RNF24: variants seen among roughly 807,000 people sequenced by gnomAD.
RNF24 encodes the protein ring finger protein 24.
Under a neutral mutation model 20.0 loss-of-function variants are expected in RNF24, and 14 were observed. The ratio of observed to expected loss-of-function variants is 0.70; its 90% confidence interval spans 0.46 to 1.10. The LOEUF (loss-of-function observed/expected upper bound fraction) is 1.10. Ranked by LOEUF, RNF24 falls within the 50% of genes least tolerant of loss-of-function variation. The probability of loss-of-function intolerance (pLI) is 0.00; values close to 1 mark genes in which losing one functional copy is unlikely to be tolerated. For missense variants in RNF24, 124 were observed against 177.6 expected (o/e 0.70, Z 1.71); for synonymous variants, 45 against 61.1 (o/e 0.74, Z 1.23).
intron 1 of RNF24, among the ~76,000 whole-genome samples, chr20:4,009,287 G>A (rs1968940681): frequency 6.6e-6 from 1 of 152,200 alleles, no homozygotes; most frequent in Non-Finnish European, 1.5e-5. Context: ...AGGAGGGTCA[G>A]GGAAAAGTTG....
intron 1 of RNF24, among the ~76,000 whole-genome samples, chr20:3,998,241 G>A (rs1039111150): frequency 2.6e-5 from 4 of 151,950 alleles, no homozygotes; most frequent in Non-Finnish European, 4.4e-5. Flanking sequence ...GAGTTCGAGA[G>A]CAACCTGACC....
intron 4 of RNF24, among the ~76,000 whole-genome samples, chr20:3,942,018 G>A (rs1457756203): frequency 6.7e-6 from 1 of 149,966 alleles, no homozygotes; most frequent in Non-Finnish European, 1.5e-5. Flanking sequence ...AGGTTGCAGT[G>A]AGCCAAGATT....
At chr20:4,002,279 T>C (rs868395771) in intron 1 of RNF24, among the ~76,000 whole-genome samples, 2 of 152,028 alleles carry the variant, frequency 1.3e-5, no homozygotes, top group Middle Eastern at 3.4e-3. Context: ...CCAGCTACTC[T>C]GGAGGCTGAG....
At chr20:3,972,886 G>C (rs1978486344) in intron 1 of RNF24, among the ~76,000 whole-genome samples, 1 of 150,090 alleles carries the variant, frequency 6.7e-6, no homozygotes, top group African/African-American at 2.5e-5. Flanking sequence ...GTGGGCGACA[G>C]AGTGAGACTC....
At chr20:3,942,153 TA>T (rs2090964007) in intron 4 of RNF24, among the ~76,000 whole-genome samples, 1 of 150,402 alleles carries the variant, frequency 6.6e-6, no homozygotes, top group African/African-American at 2.5e-5. Context: ...CTGGAATGGC[TA>T]TATTAATATC....
chr20:3,957,465 A>G (rs1170330057), intron 2 of RNF24, among the ~76,000 whole-genome samples: 1 of 143,424 alleles, frequency 7.0e-6, no homozygotes, highest in Non-Finnish European at 1.5e-5. Context: ...CTCAAAAAAA[A>G]AAAAATAATA....
chr20:3,969,857 G>A (rs1165784521), intron 1 of RNF24, among the ~76,000 whole-genome samples: 7 of 148,010 alleles, frequency 4.7e-5, no homozygotes, highest in African/African-American at 1.2e-4. Flanking sequence ...TGCAACCTCC[G>A]CCTTCCAGGT....
chr20:3,991,927 TACAC>T (rs1408910483), intron 1 of RNF24, among the ~76,000 whole-genome samples: 2 of 149,662 alleles, frequency 1.3e-5, no homozygotes, highest in Non-Finnish European at 1.5e-5. Flanking sequence ...TGTGGCTATA[TACAC>T]ACACACACGC....
Position 4,013,897 on chromosome 20 carries a change from TAAC to T in RNF24, c.-8+1537_-8+1539del, listed in dbSNP as rs1443245512. 2.6e-5 allele frequency among the ~76,000 whole-genome samples: 4 copies of T among 152,356 alleles called. No individual in the cohort carries two copies. In the South Asian group the frequency reaches 6.2e-4, roughly 24 times the overall value. On this transcript the variant is annotated intron_variant, in intron 1 of 5. Transcript: ENST00000358395. ...CTGAAAATCATCATGCAACCAGAGTTAACAACTATCTTGCAAAATTCATATCAT... is the reference window on the plus strand; with the variant it reads ...CTGAAAATCATCATGCAACCAGAGTTAACTATCTTGCAAAATTCATATCAT...
At chr20:3,951,397 C>T (rs766660438) in intron 2 of RNF24, among the ~76,000 whole-genome samples, 2 of 152,142 alleles carry the variant, frequency 1.3e-5, no homozygotes, top group African/African-American at 2.4e-5. Context: ...CTGGGTTTCT[C>T]CACTGTAGTG....
At chr20:3,985,611 A>C (rs1027149188) in intron 1 of RNF24, among the ~76,000 whole-genome samples, 8 of 151,848 alleles carry the variant, frequency 5.3e-5, no homozygotes, top group Non-Finnish European at 1.2e-4. Context: ...GTTTACCGTA[A>C]TTGAAGTTTG....
At chr20:3,948,121 T>C (rs963263652) in intron 3 of RNF24, 116 bp downstream of exon 3, 12 of 706,742 alleles carry the variant, frequency 1.7e-5, no homozygotes, top group Non-Finnish European at 2.9e-5. Context: ...GGCAGTGAGA[T>C]GCTAAAATGA....
chr20:3,996,549 T>C (rs1980880529), intron 1 of RNF24, among the ~76,000 whole-genome samples: 3 of 152,200 alleles, frequency 2.0e-5, no homozygotes, highest in Admixed American at 2.0e-4. Flanking sequence ...GATGGTTTTC[T>C]GTCCTACCCC....
intron 4 of RNF24, among the ~76,000 whole-genome samples, chr20:3,936,297 G>A (rs2090890148): frequency 6.6e-6 from 1 of 152,164 alleles, no homozygotes; most frequent in Admixed American, 6.5e-5. Context: ...GCTGGCCTTG[G>A]CTCAGACACA....
chr20:4,009,226 T>C (rs539865589), intron 1 of RNF24, among the ~76,000 whole-genome samples: 2 of 152,294 alleles, frequency 1.3e-5, no homozygotes, highest in Admixed American at 1.3e-4. Flanking sequence ...GGAAGGCACG[T>C]AAACTTCTCT....
At chr20:3,975,789 G>C (rs972839401) in intron 1 of RNF24, among the ~76,000 whole-genome samples, 1 of 152,138 alleles carries the variant, frequency 6.6e-6, no homozygotes, top group Non-Finnish European at 1.5e-5. Flanking sequence ...ATAAGAAGCA[G>C]AGACTGAAGG....
rs994853085 is a variant in RNF24 at position 3,931,595 on chromosome 20, A to T, written c.*2468T>A. ...AGTCGCAGGAACTACTGCTAGTGAT[A>T]CTAGGCTTGCTGCAGGAGGATGTCA... On this transcript the variant is annotated 3_prime_UTR_variant, in exon 6 of 6. Transcript: ENST00000358395. The T allele has an allele frequency of 6.6e-6, 1 of 152,230 alleles. No homozygotes were observed. The highest frequency in any genetic ancestry group is 6.5e-5 in the Admixed American group (1 of 15,288). The allele number at this position is 152,230 out of a possible 1,614,324, so 9.4% of individuals were successfully genotyped here.
rs1226941342 is a variant in RNF24, at chr20:3,956,255, G to A, written c.143+7620C>T. 2.0e-5 allele frequency among the ~76,000 whole-genome samples: 3 copies of A among 148,300 alleles called. No individual in the cohort carries two copies. The East Asian group carries it at 5.9e-4, about 29-fold the overall frequency. ...TTACCAGAAAGTACAATGTTAAGTT[G>A]TGTGTGTGTTTTTTTTTTTTTAATA... On this transcript the variant is annotated intron_variant, in intron 2 of 5. Coordinates refer to ENST00000358395, the MANE Select transcript of RNF24 (RefSeq NM_001134337.3).
chr20:3,996,629 C>T (rs1980887322), intron 1 of RNF24, among the ~76,000 whole-genome samples: 1 of 152,136 alleles, frequency 6.6e-6, no homozygotes, highest in Admixed American at 6.5e-5. Context: ...ACTACACTTC[C>T]TAGCCTTCCT....
Sources: allele counts gnomAD v4.1 joint callset (sites outside exome capture counted in the v4.1 genomes callset), GRCh38; gene constraint gnomAD v4.1.1; transcripts MANE v1.5; gene names NCBI Gene and HGNC (gene_info 2026-07-23, HGNC 2026-07-21).